CBLB: variants seen among roughly 807,000 people sequenced by gnomAD.
CBLB encodes the protein Cbl proto-oncogene B, also known as E3 ubiquitin-protein ligase CBL-B.
A neutral mutation model predicts 104.9 loss-of-function variants in CBLB; 31 were observed. That is an observed-to-expected ratio of 0.30 (90% confidence interval 0.22 to 0.40). CBLB has a LOEUF of 0.40. CBLB is among the 10% of genes least tolerant of loss of function. The pLI, the probability that CBLB is intolerant of heterozygous loss-of-function variation, is 1.00. For synonymous variants in CBLB, 440 were observed against 422.6 expected, an observed-to-expected ratio of 1.04 and a Z score of -0.51; for missense variants, 1,062 against 1,214.6, an observed-to-expected ratio of 0.87 and a Z score of 1.87.
At chr3:105,775,169 G>A (rs1197852337) in intron 4 of CBLB, among the ~76,000 whole-genome samples, 1 of 152,074 alleles carries the variant, frequency 6.6e-6, no homozygotes, top group African/African-American at 2.4e-5. Flanking sequence ...GAATTTCCAT[G>A]TTAATGGCAA....
chr3:105,766,784 C>T (rs531989658), intron 4 of CBLB, among the ~76,000 whole-genome samples: 2 of 152,094 alleles, frequency 1.3e-5, no homozygotes, highest in Non-Finnish European at 2.9e-5. Context: ...CACTTCATTG[C>T]GATGTACTTT....
At chr3:105,857,988 T>C (rs1030770283) in intron 2 of CBLB, among the ~76,000 whole-genome samples, 1 of 152,166 alleles carries the variant, frequency 6.6e-6, no homozygotes, top group Non-Finnish European at 1.5e-5. Flanking sequence ...CAAAGGAGTG[T>C]GCTAAGGCTT....
At chr3:105,681,645 G>T in intron 15 of CBLB, 35 bp from the exon 16 acceptor site, 1 of 1,613,556 alleles carries the variant, frequency 6.2e-7, no homozygotes. Flanking sequence ...TGTATTTTCA[G>T]TACAATGGCA....
At chr3:105,782,465 T>A (rs1024746234) in intron 3 of CBLB, among the ~76,000 whole-genome samples, 1 of 152,110 alleles carries the variant, frequency 6.6e-6, no homozygotes, top group African/African-American at 2.4e-5. Flanking sequence ...TACATTTCCT[T>A]TGTTAAACAC....
At chr3:105,824,743 A>G (rs1409279337) in intron 3 of CBLB, among the ~76,000 whole-genome samples, 3 of 152,168 alleles carry the variant, frequency 2.0e-5, no homozygotes, top group African/African-American at 4.8e-5. Flanking sequence ...GCTCAGCCTC[A>G]TCTGGTGTCC....
chr3:105,868,240 T>TGAAAAGA, intron 1 of CBLB: 1 of 1,231,674 alleles, frequency 8.1e-7, no homozygotes. Context: ...ATAGCCCATT[T>TGAAAAGA]GAAAAGAGAA....
chr3:105,664,126 A>G (rs537492470), intron 18 of CBLB, among the ~76,000 whole-genome samples: 1 of 152,294 alleles, frequency 6.6e-6, no homozygotes, highest in South Asian at 2.1e-4. Context: ...AGATGTGTCT[A>G]ATAAGCAAAT....
chr3:105,745,313 C>A (rs1008772736), intron 6 of CBLB, among the ~76,000 whole-genome samples: 7 of 152,192 alleles, frequency 4.6e-5, no homozygotes, highest in Admixed American at 4.6e-4. Flanking sequence ...TTGGCCAAAG[C>A]CACAGGGGCT....
intron 9 of CBLB, among the ~76,000 whole-genome samples, chr3:105,722,709 C>T (rs2073060011): frequency 6.6e-6 from 1 of 152,112 alleles, no homozygotes; most frequent in Non-Finnish European, 1.5e-5. Context: ...ACATATTGCT[C>T]TGGTTAAGGA....
At chr3:105,718,995 A>C (rs1227213653) in intron 10 of CBLB, among the ~76,000 whole-genome samples, 1 of 152,180 alleles carries the variant, frequency 6.6e-6, no homozygotes, top group East Asian at 1.9e-4. Context: ...CTGGTTATAT[A>C]AACTTAAACT....
At chr3:105,821,605 C>T (rs906525885) in intron 3 of CBLB, among the ~76,000 whole-genome samples, 1 of 152,276 alleles carries the variant, frequency 6.6e-6, no homozygotes. Flanking sequence ...AGTGCCAGTG[C>T]CAAATGCGCA....
At chr3:105,740,035 G>A (rs1258914099) in intron 7 of CBLB, among the ~76,000 whole-genome samples, 3 of 152,128 alleles carry the variant, frequency 2.0e-5, no homozygotes, top group South Asian at 2.1e-4. Context: ...CCCAGGAGGC[G>A]GAGGTTGCAG....
rs80102567 is a variant in CBLB at position 105,824,522 on chromosome 3, G to C, written c.419+28892C>G. Among the ~76,000 whole-genome samples, 304 of 152,192 alleles carry C rather than the reference G, an allele frequency of 2.0e-3. 2 individuals carry two copies. Among genetic ancestry groups the C allele is most frequent in the African/African-American group, 7.1e-3 (295 of 41,526 alleles). ...TATCATAAACACAGCCTTAGGTCAG[G>C]AGGGCTGTGGAGTAGAGTCAGCCTG... On this transcript the variant is annotated intron_variant, in intron 3 of 18. Transcript: ENST00000394030.
chr3:105,820,239 GC>G (rs1383394787), intron 3 of CBLB, among the ~76,000 whole-genome samples: 2 of 152,108 alleles, frequency 1.3e-5, no homozygotes, highest in Non-Finnish European at 2.9e-5. Context: ...AGGAGGCGGA[GC>G]CCAGGTGGTC....
chr3:105,682,599 C>T (rs1161455139), intron 14 of CBLB, among the ~76,000 whole-genome samples: 2 of 152,060 alleles, frequency 1.3e-5, no homozygotes, highest in South Asian at 2.1e-4. Context: ...CTCCGCCTAC[C>T]AGGTTCAAGC....
At chr3:105,698,605 CAAA>C (rs34896633) in intron 12 of CBLB, among the ~76,000 whole-genome samples, 5 of 80,764 alleles carry the variant, frequency 6.2e-5, no homozygotes, top group Non-Finnish European at 9.5e-5. Context: ...ACCATTTGAC[CAAA>C]AAAAAAAAAA....
intron 3 of CBLB, among the ~76,000 whole-genome samples, chr3:105,782,861 C>T (rs1186088119): frequency 6.6e-6 from 1 of 152,206 alleles, no homozygotes; most frequent in African/African-American, 2.4e-5. Context: ...CGTGAGCCAA[C>T]TGAGCCCGGC....
chr3:105,862,378 C>T (rs951382283), intron 2 of CBLB, among the ~76,000 whole-genome samples: 1 of 152,176 alleles, frequency 6.6e-6, no homozygotes, highest in African/African-American at 2.4e-5. Flanking sequence ...TCACTGCCTT[C>T]GGAGTCAACT....
intron 3 of CBLB, among the ~76,000 whole-genome samples, chr3:105,842,729 A>G (rs1255237508): frequency 6.6e-6 from 1 of 152,206 alleles, no homozygotes; most frequent in Non-Finnish European, 1.5e-5. Context: ...CAGGAATTCC[A>G]CAACTGTGAA....
Sources: gnomAD v4.1 joint callset for allele counts (sites outside exome capture counted in the v4.1 genomes callset) on GRCh38, gnomAD v4.1.1 for gene constraint, MANE v1.5 for transcripts, NCBI Gene and HGNC (gene_info 2026-07-23, HGNC 2026-07-21) for gene names.